CTH: variants seen among roughly 807,000 people sequenced by gnomAD.
The protein encoded by CTH is cystathionine gamma-lyase.
A neutral mutation model predicts 50.6 loss-of-function variants in CTH; 41 were observed. The observed-to-expected ratio is 0.81, with a 90% CI of 0.63 to 1.05. The LOEUF (loss-of-function observed/expected upper bound fraction) is 1.05. Among genes scored for constraint, CTH ranks in the 50% least tolerant of loss-of-function variants. CTH has a pLI of 0.00. For synonymous variants in CTH, 156 were observed against 168.9 expected (o/e 0.92, Z 0.59); for missense variants, 470 against 492.6 (o/e 0.95, Z 0.43).
chr1:70,420,055 C>A (rs376800189), intron 3 of CTH, among the ~76,000 whole-genome samples: 1 of 150,288 alleles, frequency 6.7e-6, no homozygotes, highest in Admixed American at 6.6e-5. Context: ...TGCAGTGGCA[C>A]GATCTCGGCT....
At chr1:70,435,940 G>A (rs978507351) in intron 10 of CTH, among the ~76,000 whole-genome samples, 5 of 152,126 alleles carry the variant, frequency 3.3e-5, no homozygotes, top group African/African-American at 1.2e-4. Context: ...AAAGGTGCTT[G>A]GATCTAGATT....
intron 10 of CTH, among the ~76,000 whole-genome samples, chr1:70,435,595 T>G (rs1684581015): frequency 6.6e-6 from 1 of 151,836 alleles, no homozygotes; most frequent in Non-Finnish European, 1.5e-5. Context: ...TGCCCTTGAT[T>G]GTTGGAGAAC....
rs1306639584 is a variant in CTH at position 70,439,194 on chromosome 1, C to CCAA, written c.*71_*73dup. 1.4e-6 allele frequency: 2 copies of CCAA among 1,472,474 alleles called. No individual in the cohort carries two copies. The highest frequency in any genetic ancestry group is 1.7e-5 in the Admixed American group (1 of 59,758). The allele number at this position is 1,472,474 out of a possible 1,614,324, so 91.2% of individuals were successfully genotyped here. A position where few individuals can be genotyped will look rare whatever the true frequency, so the allele number is the denominator to read the frequency against. Reference sequence around the variant, plus strand: ...AAATCTTCCTGAGTAATTAAATGGACCAACAATGAGCCTTTGCAAAATTTT... The same window carrying CCAA: ...AAATCTTCCTGAGTAATTAAATGGACCAACAACAATGAGCCTTTGCAAAATTTT... On this transcript the variant is annotated 3_prime_UTR_variant, in exon 12 of 12. Transcript: ENST00000370938.
chr1:70,417,438 C>T (rs1357354438), intron 2 of CTH, among the ~76,000 whole-genome samples: 2 of 152,066 alleles, frequency 1.3e-5, no homozygotes, highest in Non-Finnish European at 2.9e-5. Flanking sequence ...GCATGTGCCA[C>T]CATGCCTGGC....
intron 4 of CTH, among the ~76,000 whole-genome samples, chr1:70,423,364 A>T (rs1282432876): frequency 6.6e-6 from 1 of 151,620 alleles, no homozygotes; most frequent in Non-Finnish European, 1.5e-5. Flanking sequence ...TTGAACCAGG[A>T]GTTCAAGATA....
intron 2 of CTH, 149 bp from the exon 3 acceptor site, chr1:70,417,787 GA>G: frequency 2.9e-6 from 2 of 700,654 alleles, no homozygotes; most frequent in South Asian, 1.7e-5. Flanking sequence ...TAGAAAAGGA[GA>G]TTTTGTAATG....
chr1:70,411,366 TG>T lies in CTH; in HGVS notation c.-48del. The T allele has an allele frequency of 6.2e-7, 1 of 1,606,620 alleles. No homozygotes were observed. Among genetic ancestry groups the T allele is most frequent in the African/African-American group, 1.3e-5 (1 of 74,888 alleles). ...CCAACCCCGGACACCCGGCTTCGAC[TG>T]GTTATATCTTCGGTGTTCTTTTCCT... is the stretch of plus-strand genomic sequence containing the variant. On this transcript the variant is annotated 5_prime_UTR_variant, in exon 1 of 12. Transcript: ENST00000370938.
At chr1:70,433,983 G>T (rs1025883484) in intron 9 of CTH, 34 bp downstream of exon 9, 1 of 1,611,752 alleles carries the variant, frequency 6.2e-7, no homozygotes, top group Non-Finnish European at 8.5e-7. Context: ...AATTGTAGGA[G>T]GTAAGGCCTT....
rs375779947 is a variant in CTH, at chr1:70,425,360, G to T, written c.588+944G>T. 4.6e-5 allele frequency among the ~76,000 whole-genome samples: 7 copies of T among 152,240 alleles called. No homozygotes were observed. In the East Asian group the frequency reaches 1.2e-3, roughly 25 times the overall value. ...CAATTTATTTCTCACAGTTCTGAAG[G>T]CTGGGAAGTCCTCAATCAAAGTGCC... On this transcript the variant is annotated intron_variant, in intron 5 of 11. Coordinates refer to ENST00000370938, the MANE Select transcript of CTH (RefSeq NM_001902.6).
At chr1:70,423,583 A>T (rs1684278081) in intron 4 of CTH, among the ~76,000 whole-genome samples, 1 of 151,280 alleles carries the variant, frequency 6.6e-6, no homozygotes, top group African/African-American at 2.4e-5. Flanking sequence ...AAAAAAAAAA[A>T]AGAAAGTAAT....
At chr1:70,411,620 C>T (rs541401211) in intron 1 of CTH, 37 bp downstream of exon 1, 32 of 1,599,702 alleles carry the variant, frequency 2.0e-5, no homozygotes, top group Admixed American at 5.2e-5. Context: ...CACAGTTGGG[C>T]GGTAAAAGAG....
At chr1:70,438,127 C>A (rs186062341) in intron 10 of CTH, among the ~76,000 whole-genome samples, 1 of 152,082 alleles carries the variant, frequency 6.6e-6, no homozygotes, top group Admixed American at 6.6e-5. Flanking sequence ...GCTGCTAGAT[C>A]GTTTGAAAAA....
chr1:70,436,484 A>G (rs1684601561), intron 10 of CTH, among the ~76,000 whole-genome samples: 1 of 152,110 alleles, frequency 6.6e-6, no homozygotes, highest in South Asian at 2.1e-4. Flanking sequence ...TAACCTAACT[A>G]TTTTTAACTG....
Position 70,417,923 on chromosome 1 carries a change from G to T in CTH, c.251-14G>T, listed in dbSNP as rs938718716. ...CTGACTTTTCAGCTTACTCTAACTT[G>T]ATTTTTATTTTAGGTTTGGCCTTTG... On this transcript the variant is annotated splice_polypyrimidine_tract_variant and intron_variant, in intron 2 of 11. Transcript: ENST00000370938. The T allele has an allele frequency of 6.2e-7, 1 of 1,613,878 alleles. No homozygotes were observed. Among genetic ancestry groups the T allele is most frequent in the African/African-American group, 1.3e-5 (1 of 75,018 alleles).
chr1:70,439,071 A>G, intron 11 of CTH, 30 bp from the exon 12 acceptor site: 1 of 1,602,612 alleles, frequency 6.2e-7, no homozygotes, highest in South Asian at 1.1e-5. Flanking sequence ...ATGTTTAATA[A>G]CATATTTTTC....
At chr1:70,417,494 A>T (rs1313645553) in intron 2 of CTH, among the ~76,000 whole-genome samples, 1 of 152,118 alleles carries the variant, frequency 6.6e-6, no homozygotes, top group Non-Finnish European at 1.5e-5. Context: ...CCTGTTGGCC[A>T]GGCTGGTCAC....
intron 3 of CTH, 80 bp from the exon 4 acceptor site, chr1:70,421,486 G>C (rs1473165471): frequency 9.9e-6 from 14 of 1,420,714 alleles, no homozygotes; most frequent in African/African-American, 2.8e-5. Flanking sequence ...CATATATTTT[G>C]TAAGTGTTTA....
intron 10 of CTH, among the ~76,000 whole-genome samples, chr1:70,436,242 A>G (rs1160121092): frequency 6.6e-6 from 1 of 152,086 alleles, no homozygotes; most frequent in Non-Finnish European, 1.5e-5. Flanking sequence ...AACCCAAGTG[A>G]TGGAGGTTGC....
At chr1:70,417,192 C>A (rs186260621) in intron 2 of CTH, among the ~76,000 whole-genome samples, 15 of 151,874 alleles carry the variant, frequency 9.9e-5, no homozygotes, top group Admixed American at 8.5e-4. Context: ...GGTCTGATTG[C>A]GAGTTTTGTT....
Sources: gnomAD v4.1 joint callset for allele counts (sites outside exome capture counted in the v4.1 genomes callset) on GRCh38, gnomAD v4.1.1 for gene constraint, MANE v1.5 for transcripts, NCBI Gene and HGNC (gene_info 2026-07-23, HGNC 2026-07-21) for gene names.